LEMD3: variants seen among roughly 807,000 people sequenced by gnomAD.
LEMD3 encodes inner nuclear membrane protein Man1.
LEMD3 carries 33 observed loss-of-function variants against 95.2 expected under a neutral mutation model. The observed-to-expected ratio is 0.35, with a 90% CI of 0.26 to 0.46. The LOEUF (loss-of-function observed/expected upper bound fraction) is 0.46, where lower values mean the gene tolerates loss of function less well. LEMD3 is among the 20% of genes least tolerant of loss of function. The probability of loss-of-function intolerance (pLI) is 1.00; values close to 1 mark genes in which losing one functional copy is unlikely to be tolerated. For missense variants in LEMD3, 1,210 were observed against 1,192.8 expected (o/e 1.01, Z -0.21); for synonymous variants, 525 against 474.6 (o/e 1.11, Z -1.38).
chr12:65,175,562 C>T, intron 1 of LEMD3, among the ~76,000 whole-genome samples: 1 of 152,178 alleles, frequency 6.6e-6, no homozygotes, highest in East Asian at 1.9e-4. Context: ...CAACTCCCTT[C>T]TTCATGAAAC....
chr12:65,227,808 T>G (rs1204152465), intron 4 of LEMD3, among the ~76,000 whole-genome samples: 1 of 147,368 alleles, frequency 6.8e-6, no homozygotes, highest in African/African-American at 2.5e-5. Flanking sequence ...GTTCTTCCAG[T>G]GGGGCCAAGG....
intron 1 of LEMD3, among the ~76,000 whole-genome samples, chr12:65,208,279 A>T (rs1869825479): frequency 6.6e-6 from 1 of 152,058 alleles, no homozygotes; most frequent in Non-Finnish European, 1.5e-5. Context: ...AACAGATCAA[A>T]AATGGCTGCA....
chr12:65,245,316 T>C (rs1365512529), intron 10 of LEMD3: 2 of 190,594 alleles, frequency 1.0e-5, no homozygotes, highest in Admixed American at 1.1e-4. Flanking sequence ...TTTTTTTGTA[T>C]TTTTAGTAGA....
At chr12:65,227,562 T>C (rs1363108386) in intron 4 of LEMD3, among the ~76,000 whole-genome samples, 1 of 152,344 alleles carries the variant, frequency 6.6e-6, no homozygotes, top group Non-Finnish European at 1.5e-5. Flanking sequence ...CATATCCTGC[T>C]ATATACCTTA....
At position 65,245,441 on chromosome 12, in the gene LEMD3, C is replaced by T. The variant is rs988150673; in HGVS notation, c.2388-228C>T. 1.5e-4 allele frequency: 76 copies of T among 498,076 alleles called. 1 individual carries two copies. Among genetic ancestry groups the T allele is most frequent in the South Asian group, 1.1e-3 (53 of 47,582 alleles). 30.9% of individuals were successfully genotyped at this position (498,076 alleles called of 1,614,324 possible). A position where few individuals can be genotyped will look rare whatever the true frequency, so the allele number is the denominator to read the frequency against. On this transcript the variant is annotated intron_variant, in intron 10 of 12. Transcript: ENST00000308330. ...GGCATGAGCCACCGCGCCTGGCCAG[C>T]GCTCTGCACTCTTTTACTGGAAAGT...
intron 1 of LEMD3, among the ~76,000 whole-genome samples, chr12:65,197,564 G>A (rs1869469996): frequency 6.6e-6 from 1 of 152,050 alleles, no homozygotes. Flanking sequence ...TTACCAAGTA[G>A]TTTTGTTTTT....
At chr12:65,233,719 G>A (rs1410744431) in intron 4 of LEMD3, among the ~76,000 whole-genome samples, 1 of 152,062 alleles carries the variant, frequency 6.6e-6, no homozygotes, top group Non-Finnish European at 1.5e-5. Context: ...CCCTATACCA[G>A]TGCCTTTTTC....
chr12:65,182,617 G>GT (rs1018575746), intron 1 of LEMD3, among the ~76,000 whole-genome samples: 38 of 150,966 alleles, frequency 2.5e-4, no homozygotes, highest in East Asian at 7.8e-4. Flanking sequence ...AAATAATGTG[G>GT]TTTTTTTTTG....
Position 65,169,652 on chromosome 12 carries a change from C to G in LEMD3, c.56C>G (p.Ser19Cys), listed in dbSNP as rs780968500. 5.7e-6 allele frequency: 9 copies of G among 1,585,676 alleles called. No homozygotes were observed. The highest frequency in any genetic ancestry group is 1.3e-5 in the African/African-American group (1 of 74,572). ...PQQLSDEELF[S>C]QLRRYGLSPG... Reference sequence around the variant, plus strand: ...CAGCTCTCGGATGAGGAGCTTTTCTCTCAGCTCCGCCGTTACGGCCTGTCT... The same window carrying G: ...CAGCTCTCGGATGAGGAGCTTTTCTGTCAGCTCCGCCGTTACGGCCTGTCT... The change falls in exon 1 of 13, where the codon TCT becomes TGT. Residue 19 changes from serine (S) to cysteine (C), a missense_variant. Transcript: ENST00000308330.
rs150365744 is a variant in LEMD3 at position 65,186,349 on chromosome 12, A to G, written c.1522+15231A>G. ...TTTTACTTAAATTTTAACAACTTAAATTCTTTAATTTTTAAAAAATTGTAC... is the reference window on the plus strand; with the variant it reads ...TTTTACTTAAATTTTAACAACTTAAGTTCTTTAATTTTTAAAAAATTGTAC... On this transcript the variant is annotated intron_variant, in intron 1 of 12. Coordinates refer to ENST00000308330, the MANE Select transcript of LEMD3 (RefSeq NM_014319.5). 5.3e-5 allele frequency among the ~76,000 whole-genome samples: 8 copies of G among 152,234 alleles called. No individual in the cohort carries two copies. The East Asian group carries it at 1.5e-3, about 29-fold the overall frequency.
At chr12:65,196,489 C>A (rs1869433151) in intron 1 of LEMD3, among the ~76,000 whole-genome samples, 1 of 151,972 alleles carries the variant, frequency 6.6e-6, no homozygotes. Context: ...AGGTTCTGAG[C>A]CCTTAGTTCT....
chr12:65,194,303 T>C (rs1869340716), intron 1 of LEMD3, among the ~76,000 whole-genome samples: 1 of 152,112 alleles, frequency 6.6e-6, no homozygotes, highest in African/African-American at 2.4e-5. Context: ...GAGAGGGGAA[T>C]TGCAATAGAG....
chr12:65,193,804 T>C (rs912173154), intron 1 of LEMD3, among the ~76,000 whole-genome samples: 1 of 150,378 alleles, frequency 6.6e-6, no homozygotes, highest in Non-Finnish European at 1.5e-5. Flanking sequence ...CTGCCCTGCT[T>C]ATACCTGACT....
In LEMD3 at chr12:65,170,947, G is replaced by T; in HGVS notation, c.1351G>T (p.Glu451Ter). 1 of 1,614,206 alleles carries T rather than the reference G, an allele frequency of 6.2e-7. No homozygotes were observed. Among genetic ancestry groups the T allele is most frequent in the South Asian group, 1.1e-5 (1 of 91,086 alleles). The stretch of plus-strand genomic sequence containing the variant: ...CAAACCGAAGCTTTCCGAACCCGAA[G>T]AGGAACTTCTCCAGCAATTTAAACG... ...YNKPKLSEPEEELLQQFKREE... is the reference protein window; with the variant it reads ...YNKPKLSEPE Residue 451 changes from glutamate to a stop codon, truncating the protein, a stop_gained, in exon 1 of 13, where the codon GAG becomes TAG. Transcript: ENST00000308330. LOFTEE classifies it high-confidence loss of function.
At chr12:65,213,980 C>T (rs1870023471) in intron 2 of LEMD3, among the ~76,000 whole-genome samples, 1 of 152,144 alleles carries the variant, frequency 6.6e-6, no homozygotes, top group Non-Finnish European at 1.5e-5. Flanking sequence ...ACCTACTCAT[C>T]CTATTATGTT....
intron 4 of LEMD3, among the ~76,000 whole-genome samples, chr12:65,230,301 T>G (rs1565796420): frequency 6.6e-6 from 1 of 152,206 alleles, no homozygotes; most frequent in Admixed American, 6.5e-5. Flanking sequence ...ATATGAACTT[T>G]AGAATTGTTT....
intron 9 of LEMD3, 22 bp downstream of exon 9, chr12:65,241,109 A>C (rs1870924979): frequency 3.1e-6 from 5 of 1,600,290 alleles, no homozygotes; most frequent in South Asian, 2.2e-5. Context: ...TAAACATCAA[A>C]AAAGTAATTT....
chr12:65,238,605 G>T, intron 5 of LEMD3, 24 bp downstream of exon 5: 2 of 1,609,872 alleles, frequency 1.2e-6, no homozygotes, highest in South Asian at 2.2e-5. Context: ...TTTCCACTTT[G>T]ACCATTCTGT....
At chr12:65,244,075 A>G (rs955795884) in intron 10 of LEMD3, among the ~76,000 whole-genome samples, 25 of 152,206 alleles carry the variant, frequency 1.6e-4, no homozygotes, top group African/African-American at 5.3e-4. Context: ...TCCTGAGGGC[A>G]CTGCTTATCT....
Sources: allele counts gnomAD v4.1 joint callset (sites outside exome capture counted in the v4.1 genomes callset), GRCh38; gene constraint gnomAD v4.1.1; transcripts MANE v1.5; gene names NCBI Gene and HGNC (gene_info 2026-07-23, HGNC 2026-07-21).